The following NUP153 variants were observed in gnomAD, a reference collection of about 807,000 sequenced individuals.
The protein encoded by NUP153 is nuclear pore complex protein Nup153.
A neutral mutation model predicts 134.6 loss-of-function variants in NUP153; 27 were observed. The observed-to-expected ratio is 0.20, with a 90% CI of 0.15 to 0.28. NUP153 has a LOEUF of 0.28. Ranked by LOEUF, NUP153 falls within the 10% of genes least tolerant of loss-of-function variation. NUP153 has a pLI of 1.00. For synonymous variants in NUP153, 640 were observed against 623.5 expected (o/e 1.03, Z -0.40); for missense variants, 1,821 against 1,731.3 (o/e 1.05, Z -0.92).
At chr6:17,630,021 A>G (rs1765150554) in intron 17 of NUP153, among the ~76,000 whole-genome samples, 1 of 152,270 alleles carries the variant, frequency 6.6e-6, no homozygotes, top group Admixed American at 6.5e-5. Flanking sequence ...AAGGAAGAAC[A>G]AAGATGTGTC....
intron 11 of NUP153, among the ~76,000 whole-genome samples, chr6:17,650,544 A>G (rs1024278306): frequency 6.6e-6 from 1 of 152,204 alleles, no homozygotes; most frequent in Non-Finnish European, 1.5e-5. Context: ...TAATTTGAAT[A>G]CTTCAAATGG....
chr6:17,671,943 G>A (rs932089306), intron 5 of NUP153, among the ~76,000 whole-genome samples: 2 of 152,156 alleles, frequency 1.3e-5, no homozygotes, highest in African/African-American at 2.4e-5. Flanking sequence ...GGGAGGTGGA[G>A]GTTGCAGTGA....
In NUP153 at chr6:17,629,518, G is replaced by C. The variant is rs746217374; in HGVS notation, c.2681C>G (p.Ser894Cys). 17 of 1,596,536 alleles carry C rather than the reference G, an allele frequency of 1.1e-5. No individual in the cohort carries two copies. In the East Asian group the frequency reaches 3.8e-4, roughly 36 times the overall value. Residue 894 changes from serine to cysteine, a missense_variant, in exon 18 of 22, where the codon TCT becomes TGT. Coordinates refer to ENST00000262077, the MANE Select transcript of NUP153 (RefSeq NM_005124.4). ...GFKGFDTSSS[S>C]SNSAASSSFK... Reference sequence around the variant, plus strand: ...GGATGAGGAGGCTGCTGAGTTCGAAGATGAGGAAGATGTGTCAAAGCCTAC... The same window carrying C: ...GGATGAGGAGGCTGCTGAGTTCGAACATGAGGAAGATGTGTCAAAGCCTAC...
intron 5 of NUP153, among the ~76,000 whole-genome samples, chr6:17,670,013 T>C (rs538517576): frequency 6.6e-6 from 1 of 150,970 alleles, no homozygotes; most frequent in East Asian, 1.9e-4. Flanking sequence ...GAGAACTGCT[T>C]TGAACCCAGG....
At chr6:17,704,538 C>T (rs774184240) in intron 1 of NUP153, among the ~76,000 whole-genome samples, 35 of 152,242 alleles carry the variant, frequency 2.3e-4, no homozygotes, top group Non-Finnish European at 4.7e-4. Flanking sequence ...CTTAAATCTG[C>T]TCGCAAATAC....
rs892215688 is a variant in NUP153, at chr6:17,639,945, T to C, written c.1840A>G (p.Ser614Gly). 1 of 1,603,124 alleles carries C rather than the reference T, an allele frequency of 6.2e-7. No homozygotes were observed. The highest frequency in any genetic ancestry group is 1.3e-5 in the African/African-American group (1 of 74,134). ...TATCTTTTAATTATCTTACCAGGGC[T>C]TTTCAGAATATCTAGAACACTTCCT... is the stretch of plus-strand genomic sequence containing the variant. ...KEGSVLDILK[S>G]PGFASPKIDS... is the part of the protein sequence containing the mutation. The change falls in exon 15 of 22, where the codon AGC becomes GGC. Residue 614 changes from serine (S) to glycine (G), a missense_variant. By Grantham distance (56) the Ser-to-Gly change is moderately conservative (BLOSUM62 0). Transcript: ENST00000262077.
At chr6:17,690,999 G>A (rs1176504069) in intron 1 of NUP153, among the ~76,000 whole-genome samples, 8 of 151,976 alleles carry the variant, frequency 5.3e-5, no homozygotes, top group African/African-American at 1.2e-4. Flanking sequence ...AAAATTAGCC[G>A]GGTGTGGTGG....
At chr6:17,686,709 GA>G (rs915521011) in intron 2 of NUP153, among the ~76,000 whole-genome samples, 33 of 149,578 alleles carry the variant, frequency 2.2e-4, no homozygotes, top group East Asian at 5.9e-4. Flanking sequence ...CAGTACTATA[GA>G]AAAAAAAAAT....
At chr6:17,618,563 T>TC (rs200121438) in intron 20 of NUP153, among the ~76,000 whole-genome samples, 1 of 612 alleles carries the variant, frequency 1.6e-3, no homozygotes, top group African/African-American at 2.1e-3. Flanking sequence ...AAAATCTCTC[T>TC]TTTTTTTTTT....
intron 14 of NUP153, among the ~76,000 whole-genome samples, chr6:17,641,578 C>G (rs1486635985): frequency 2.6e-5 from 4 of 151,890 alleles, no homozygotes; most frequent in African/African-American, 9.7e-5. Flanking sequence ...AAAGGCCAGG[C>G]AGCGGTGGCT....
rs1458806252 is a variant in NUP153, at chr6:17,637,826, T to C, written c.1847-56A>G. 3.3e-6 allele frequency: 5 copies of C among 1,507,158 alleles called. No homozygotes were observed. In the African/African-American group the frequency reaches 7.0e-5, roughly 21 times the overall value. 93.4% of individuals were successfully genotyped at this position (1,507,158 alleles called of 1,614,324 possible). A position where few individuals can be genotyped will look rare whatever the true frequency, so the allele number is the denominator to read the frequency against. On this transcript the variant is annotated intron_variant, in intron 15 of 21. Coordinates refer to ENST00000262077, the MANE Select transcript of NUP153 (RefSeq NM_005124.4). ...TAGAGAAGCTTTATAAATCAAAGCA[T>C]TAATTTGATTATTATTACTGAGAAG... is the stretch of plus-strand genomic sequence containing the variant.
chr6:17,617,784 G>A (rs78442076), intron 20 of NUP153, among the ~76,000 whole-genome samples: 6,218 of 152,084 alleles, frequency 0.041, 396 homozygotes, highest in East Asian at 0.29. Context: ...GGTCGAGGAC[G>A]CAGTGTGCCC....
intron 11 of NUP153, among the ~76,000 whole-genome samples, 160 bp downstream of exon 11, chr6:17,661,493 T>C (rs1219751811): frequency 6.6e-6 from 1 of 152,202 alleles, no homozygotes; most frequent in East Asian, 1.9e-4. Context: ...TTTAAGGTAC[T>C]AGATTAGGTT....
chr6:17,702,484 G>C (rs995933384), intron 1 of NUP153, among the ~76,000 whole-genome samples: 1 of 151,994 alleles, frequency 6.6e-6, no homozygotes, highest in Non-Finnish European at 1.5e-5. Context: ...CTCCAGCCTG[G>C]GTGACAGAGC....
At chr6:17,622,690 C>G (rs1031510449) in intron 20 of NUP153, among the ~76,000 whole-genome samples, 50 of 148,360 alleles carry the variant, frequency 3.4e-4, no homozygotes, top group South Asian at 1.3e-3. Flanking sequence ...TTGCTCTTTA[C>G]ATAAAAAAAA....
intron 14 of NUP153, among the ~76,000 whole-genome samples, chr6:17,641,311 C>A (rs943501165): frequency 6.6e-6 from 1 of 152,140 alleles, no homozygotes; most frequent in East Asian, 1.9e-4. Context: ...CCAAGGCGGG[C>A]AGATCACGAG....
chr6:17,663,761 AAAC>A (rs1767344733), intron 9 of NUP153, among the ~76,000 whole-genome samples: 1 of 152,204 alleles, frequency 6.6e-6, no homozygotes, highest in Non-Finnish European at 1.5e-5. Flanking sequence ...CTAAAGGCAT[AAAC>A]AATAAGGTGT....
intron 11 of NUP153, among the ~76,000 whole-genome samples, chr6:17,658,441 C>A (rs1461407683): frequency 2.0e-5 from 3 of 151,982 alleles, no homozygotes; most frequent in African/African-American, 4.8e-5. Flanking sequence ...AAGAAGCACA[C>A]AATAACAACA....
Position 17,632,928 on chromosome 6 carries a change from G to T in NUP153, c.2465-84C>A, listed in dbSNP as rs1427185215. On this transcript the variant is annotated intron_variant, in intron 16 of 21. Transcript: ENST00000262077. ...AGTATGTCAGTATCTTAATGGCACT[G>T]CTAAGTTTAAGTGTTCAGTTTCTAA... The T allele has an allele frequency of 4.0e-6, 4 of 997,266 alleles. No individual in the cohort carries two copies. The South Asian group carries it at 7.9e-5, about 20-fold the overall frequency. The allele number at this position is 997,266 out of a possible 1,614,324, so 61.8% of individuals were successfully genotyped here.
Sources: allele counts gnomAD v4.1 joint callset (sites outside exome capture counted in the v4.1 genomes callset), GRCh38; gene constraint gnomAD v4.1.1; transcripts MANE v1.5; gene names NCBI Gene and HGNC (gene_info 2026-07-23, HGNC 2026-07-21).